Variants in STUM observed in about 807,000 individuals in gnomAD.
STUM encodes stum, mechanosensory transduction mediator homolog.
STUM carries 8 observed loss-of-function variants against 15.3 expected under a neutral mutation model. That is an observed-to-expected ratio of 0.52 (90% CI 0.31 to 0.94). The LOEUF (loss-of-function observed/expected upper bound fraction) is 0.94, where lower values mean the gene tolerates loss of function less well. STUM is among the 40% of genes least tolerant of loss of function. The probability of loss-of-function intolerance (pLI) is 0.05; values close to 1 mark genes in which losing one functional copy is unlikely to be tolerated. For missense variants in STUM, 142 were observed against 204.9 expected (o/e 0.69, Z 1.87); for synonymous variants, 78 against 88.7 (o/e 0.88, Z 0.68).
At chr1:226,601,744 C>G (rs764639077) in intron 3 of STUM, among the ~76,000 whole-genome samples, 1 of 152,198 alleles carries the variant, frequency 6.6e-6, no homozygotes, top group African/African-American at 2.4e-5. Context: ...AGGAGCATGT[C>G]GATAGCCTTT....
At chr1:226,563,539 A>G (rs568265985) in intron 1 of STUM, among the ~76,000 whole-genome samples, 359 of 152,342 alleles carry the variant, frequency 2.4e-3, no homozygotes, top group African/African-American at 7.8e-3. Context: ...TGCACACCCA[A>G]TTCCCTTCAG....
Position 226,549,328 on chromosome 1 carries a change from G to C in STUM, c.202+222G>C, listed in dbSNP as rs1667331492. Among the ~76,000 whole-genome samples the C allele has an allele frequency of 6.6e-6, 1 of 152,186 alleles. No individual in the cohort carries two copies. The highest frequency in any genetic ancestry group is 6.5e-5 in the Admixed American group (1 of 15,288). The stretch of plus-strand genomic sequence containing the variant: ...GCGCTGGGGTCTCCGACCCGCAGGC[G>C]GGGCCCCAAAGAGCCGGAAACTTTG... On this transcript the variant is annotated intron_variant, in intron 1 of 3. Coordinates refer to ENST00000366788, the MANE Select transcript of STUM (RefSeq NM_001003665.4). The surrounding 1 kb of genome is among the most constrained non-coding windows in gnomAD (Gnocchi z 6.8).
chr1:226,579,624 A>ATTTCTTTTTCTT (rs1330307760), intron 1 of STUM, among the ~76,000 whole-genome samples: 2 of 75,050 alleles, frequency 2.7e-5, no homozygotes, highest in Non-Finnish European at 5.2e-5. Context: ...GGAAGGCCTT[A>ATTTCTTTTTCTT]TTTCTTTTTC....
chr1:226,595,324 C>T (rs182730635), intron 1 of STUM, among the ~76,000 whole-genome samples: 102 of 152,268 alleles, frequency 6.7e-4, no homozygotes, highest in African/African-American at 2.2e-3. Context: ...AATTGGATGG[C>T]GCCCACCTAC....
At chr1:226,597,161 G>T (rs968388255) in intron 2 of STUM, among the ~76,000 whole-genome samples, 180 bp downstream of exon 2, 4 of 152,164 alleles carry the variant, frequency 2.6e-5, no homozygotes, top group Non-Finnish European at 5.9e-5. Flanking sequence ...GACCCTCCCC[G>T]CCAGGCCTGG....
At chr1:226,554,279 T>G (rs2102684998) in intron 1 of STUM, among the ~76,000 whole-genome samples, 2 of 152,346 alleles carry the variant, frequency 1.3e-5, no homozygotes, top group South Asian at 4.1e-4. Context: ...GAATCAGAAA[T>G]AAGCCTGAGT....
Position 226,596,883 on chromosome 1 carries a change from T to C in STUM, c.284T>C (p.Leu95Pro), listed in dbSNP as rs774526817. ...PDRHVCCVFWLNIAAALIQIL... is the reference protein window; with the variant it reads ...PDRHVCCVFWPNIAAALIQIL... The stretch of plus-strand genomic sequence containing the variant: ...AGGCATGTGTGCTGCGTCTTCTGGC[T>C]GAACATTGCAGCAGCCCTCATCCAA... The change falls in exon 2 of 4, where the codon CTG becomes CCG. Residue 95 changes from leucine (L) to proline (P), a missense_variant. This residue lies in a region of STUM where 29 missense variants were observed against 70.5 expected (regional missense o/e 0.41). Transcript: ENST00000366788. 1 of 1,614,228 alleles carries C rather than the reference T, an allele frequency of 6.2e-7. No individual in the cohort carries two copies. The highest frequency in any genetic ancestry group is 8.5e-7 in the Non-Finnish European group (1 of 1,180,016).
intron 1 of STUM, among the ~76,000 whole-genome samples, chr1:226,562,151 A>T (rs1571795890): frequency 6.6e-6 from 1 of 152,172 alleles, no homozygotes; most frequent in Non-Finnish European, 1.5e-5. Flanking sequence ...TGAATTATTC[A>T]GTGGGTGAAT....
intron 1 of STUM, among the ~76,000 whole-genome samples, chr1:226,559,141 G>A (rs1667496656): frequency 6.6e-6 from 1 of 152,188 alleles, no homozygotes; most frequent in African/African-American, 2.4e-5. Context: ...CCTTGAACCT[G>A]GAATTTGTAG....
chr1:226,585,631 C>T (rs1309161525), intron 1 of STUM, among the ~76,000 whole-genome samples: 1 of 152,144 alleles, frequency 6.6e-6, no homozygotes, highest in African/African-American at 2.4e-5. Flanking sequence ...CTGCCTGCCC[C>T]GCCTCAGTCC....
At position 226,600,633 on chromosome 1, in the gene STUM, C is replaced by T; in HGVS notation, c.383-33C>T. 6.2e-7 allele frequency: 1 copy of T among 1,610,450 alleles called. No individual in the cohort carries two copies. Among genetic ancestry groups the T allele is most frequent in the Non-Finnish European group, 8.5e-7 (1 of 1,179,862 alleles). On this transcript the variant is annotated intron_variant, in intron 2 of 3. Coordinates refer to ENST00000366788, the MANE Select transcript of STUM (RefSeq NM_001003665.4). The surrounding 1 kb of genome is among the most constrained non-coding windows in gnomAD (Gnocchi z 5.2). ...TTTCTCTTCTTCTCTCTCTCCTCTT[C>T]CTCCTGCTGCCTCCCACTCTGTGCT...
rs1339068502 is a variant in STUM, at chr1:226,606,958, TGCTGTTCCAGCCTCTGCAGGTGAA to T, written c.*4923_*4946del. The T allele has an allele frequency of 6.6e-6, 1 of 152,294 alleles. No individual in the cohort carries two copies. The highest frequency in any genetic ancestry group is 1.5e-5 in the Non-Finnish European group (1 of 68,110). 9.4% of individuals were successfully genotyped at this position (152,294 alleles called of 1,614,324 possible). On this transcript the variant is annotated 3_prime_UTR_variant, in exon 4 of 4. Transcript: ENST00000366788. ...AATGATGCCGTCACCTCCACACTCC[TGCTGTTCCAGCCTCTGCAGGTGAA>T]GCTGCAAGGTGAGCAGAGGCAGGCG...
rs1378278404 is a variant in STUM at position 226,565,119 on chromosome 1, G to A, written c.202+16013G>A. ...GAAAGGAGGGAGAGTTTGGGGTATT[G>A]GTTTCCCATTCCCTCCAACTTCCTG... On this transcript the variant is annotated intron_variant, in intron 1 of 3. Coordinates refer to ENST00000366788, the MANE Select transcript of STUM (RefSeq NM_001003665.4). The surrounding 1 kb of genome is among the most constrained non-coding windows in gnomAD (Gnocchi z 4.4). Among the ~76,000 whole-genome samples the A allele has an allele frequency of 1.3e-5, 2 of 152,170 alleles. No homozygotes were observed. The highest frequency in any genetic ancestry group is 4.8e-5 in the African/African-American group (2 of 41,448).
At chr1:226,555,354 A>T (rs950904190) in intron 1 of STUM, among the ~76,000 whole-genome samples, 18 of 152,264 alleles carry the variant, frequency 1.2e-4, no homozygotes, top group Admixed American at 9.2e-4. Flanking sequence ...CAGTGTCTCC[A>T]CTTGGAAACC....
chr1:226,591,793 G>A (rs974744036), intron 1 of STUM, among the ~76,000 whole-genome samples: 19 of 152,028 alleles, frequency 1.2e-4, no homozygotes, highest in African/African-American at 4.6e-4. Context: ...ATTTCCTATG[G>A]TTCAGCCTAA....
At chr1:226,562,879 A>G (rs1571796314) in intron 1 of STUM, among the ~76,000 whole-genome samples, 1 of 152,258 alleles carries the variant, frequency 6.6e-6, no homozygotes, top group Non-Finnish European at 1.5e-5. Context: ...ATATTGTATC[A>G]ATATTTAGCT....
intron 1 of STUM, among the ~76,000 whole-genome samples, chr1:226,587,595 G>C (rs565350540): frequency 1.3e-5 from 2 of 152,204 alleles, no homozygotes; most frequent in East Asian, 1.9e-4. Context: ...GCATTTACCC[G>C]AGACCCTGGG....
At chr1:226,572,176 C>A (rs1204979440) in intron 1 of STUM, among the ~76,000 whole-genome samples, 1 of 152,200 alleles carries the variant, frequency 6.6e-6, no homozygotes, top group East Asian at 1.9e-4. Context: ...AAGAAACAGG[C>A]ACCATCACCT....
chr1:226,561,831 A>G (rs996073316), intron 1 of STUM, among the ~76,000 whole-genome samples: 2 of 152,200 alleles, frequency 1.3e-5, no homozygotes, highest in African/African-American at 4.8e-5. Flanking sequence ...AGGGAACATG[A>G]GAGAGTGCAG....
Sources: gnomAD v4.1 joint callset for allele counts (sites outside exome capture counted in the v4.1 genomes callset) on GRCh38, gnomAD v4.1.1 for gene constraint, gnomAD v4.1.1 regional missense constraint, Gnocchi (gnomAD v3.1) non-coding constraint, MANE v1.5 for transcripts, NCBI Gene and HGNC (gene_info 2026-07-23, HGNC 2026-07-21) for gene names.